Variants in PDE11A observed in about 807,000 individuals in gnomAD.
PDE11A encodes the protein phosphodiesterase 11A.
Under a neutral mutation model 100.5 loss-of-function variants are expected in PDE11A, and 100 were observed. The ratio of observed to expected loss-of-function variants is 1.00; its 90% confidence interval spans 0.85 to 1.18. The LOEUF (loss-of-function observed/expected upper bound fraction) is 1.18, where lower values mean the gene tolerates loss of function less well. PDE11A is among the 50% of genes most tolerant of loss of function. The probability of loss-of-function intolerance (pLI) is 0.00; values close to 1 mark genes in which losing one functional copy is unlikely to be tolerated. For synonymous variants in PDE11A, 381 were observed against 420.8 expected (o/e 0.91, Z 1.16); for missense variants, 1,141 against 1,152.6 (o/e 0.99, Z 0.15).
intron 9 of PDE11A, among the ~76,000 whole-genome samples, chr2:177,803,182 G>A (rs1216594798): frequency 6.6e-6 from 1 of 151,702 alleles, no homozygotes; most frequent in African/African-American, 2.4e-5. Flanking sequence ...GAAAGTAGAA[G>A]CTCAGATAGA....
Position 177,629,254 on chromosome 2 carries a change from A to G in PDE11A, c.*153T>C. 1.3e-6 allele frequency: 1 copy of G among 745,584 alleles called. No individual in the cohort carries two copies. The highest frequency in any genetic ancestry group is 2.6e-5 in the East Asian group (1 of 39,108). 46.2% of individuals were successfully genotyped at this position (745,584 alleles called of 1,614,324 possible). A position where few individuals can be genotyped will look rare whatever the true frequency, so the allele number is the denominator to read the frequency against. ...CTTCCCGTTGCTCTCTCTGCTGCTG[A>G]CCATGCTTCAAGGTGAAAGCCCAGG... On this transcript the variant is annotated 3_prime_UTR_variant, in exon 20 of 20. Coordinates refer to ENST00000286063, the MANE Select transcript of PDE11A (RefSeq NM_016953.4).
intron 9 of PDE11A, among the ~76,000 whole-genome samples, chr2:177,802,809 T>C (rs2082812702): frequency 6.6e-6 from 1 of 151,986 alleles, no homozygotes; most frequent in African/African-American, 2.4e-5. Context: ...TTTGGGGCAT[T>C]TTGATATGCA....
intron 9 of PDE11A, among the ~76,000 whole-genome samples, chr2:177,802,867 A>T (rs545436245): frequency 6.6e-6 from 1 of 152,170 alleles, no homozygotes; most frequent in South Asian, 2.1e-4. Flanking sequence ...AAATGTTATG[A>T]ATACAGGTAT....
chr2:178,103,682 C>CA (rs1371490470), intron 2 of PDE11A, among the ~76,000 whole-genome samples: 3 of 150,824 alleles, frequency 2.0e-5, no homozygotes, highest in Non-Finnish European at 1.5e-5. Context: ...TATATAATCT[C>CA]AAAAAAGCTG....
chr2:178,016,121 T>G (rs1366402871), intron 1 of PDE11A, among the ~76,000 whole-genome samples: 2 of 145,624 alleles, frequency 1.4e-5, no homozygotes, highest in African/African-American at 5.0e-5. Context: ...CAAGCCATCA[T>G]GCCTGGCTAA....
chr2:177,881,380 TATCTATCC>T (rs1424076383), intron 4 of PDE11A, among the ~76,000 whole-genome samples: 2 of 149,284 alleles, frequency 1.3e-5, no homozygotes, highest in Non-Finnish European at 3.0e-5. Context: ...TCTATCTATC[TATCTATCC>T]ATCTATCTAT....
chr2:178,011,751 C>T (rs990966423), intron 2 of PDE11A, among the ~76,000 whole-genome samples: 10 of 152,154 alleles, frequency 6.6e-5, no homozygotes, highest in African/African-American at 1.7e-4. Context: ...GTTCTTTCCC[C>T]GGATTCTCTC....
At chr2:177,836,803 C>T (rs1372857460) in intron 6 of PDE11A, among the ~76,000 whole-genome samples, 4 of 152,120 alleles carry the variant, frequency 2.6e-5, no homozygotes, top group Non-Finnish European at 5.9e-5. Flanking sequence ...GACGCGCCAC[C>T]TGAAGAGCTG....
At chr2:177,981,667 T>C (rs1392006541) in intron 2 of PDE11A, among the ~76,000 whole-genome samples, 1 of 150,864 alleles carries the variant, frequency 6.6e-6, no homozygotes, top group Non-Finnish European at 1.5e-5. Flanking sequence ...GAACTGGGGT[T>C]AGTACTTCAA....
intron 1 of PDE11A, among the ~76,000 whole-genome samples, chr2:178,021,607 A>T (rs1367653312): frequency 6.6e-6 from 1 of 152,208 alleles, no homozygotes; most frequent in Non-Finnish European, 1.5e-5. Flanking sequence ...AGATGAAATT[A>T]AAAAATAGAT....
At chr2:178,068,939 A>G (rs2087087730) in intron 1 of PDE11A, among the ~76,000 whole-genome samples, 1 of 152,224 alleles carries the variant, frequency 6.6e-6, no homozygotes, top group Non-Finnish European at 1.5e-5. Context: ...AGATATTTTC[A>G]TGTTCCTTGA....
chr2:177,817,833 T>C (rs200723810), intron 8 of PDE11A, 25 bp downstream of exon 8: 1 of 1,103,990 alleles, frequency 9.1e-7, no homozygotes, highest in East Asian at 2.4e-5. Flanking sequence ...ATGACTCCAC[T>C]TGGTTTATAA....
chr2:177,701,866 G>T (rs2081202780), intron 13 of PDE11A, among the ~76,000 whole-genome samples: 1 of 152,160 alleles, frequency 6.6e-6, no homozygotes, highest in Non-Finnish European at 1.5e-5. Flanking sequence ...CTCTGGATTT[G>T]GAGGGAAATC....
chr2:177,659,374 T>C (rs935068870), intron 19 of PDE11A, among the ~76,000 whole-genome samples: 2 of 151,742 alleles, frequency 1.3e-5, no homozygotes, highest in African/African-American at 4.8e-5. Flanking sequence ...GACATTTTAA[T>C]AGAGAGGCAC....
At chr2:178,078,915 G>A (rs962261277) in intron 2 of PDE11A, among the ~76,000 whole-genome samples, 1 of 152,088 alleles carries the variant, frequency 6.6e-6, no homozygotes, top group South Asian at 2.1e-4. Context: ...AGTATAGCTA[G>A]GGAGGTAGAA....
intron 19 of PDE11A, among the ~76,000 whole-genome samples, chr2:177,656,321 A>G (rs1256459937): frequency 6.6e-6 from 1 of 152,226 alleles, no homozygotes; most frequent in East Asian, 1.9e-4. Flanking sequence ...CAGTGCAGTA[A>G]AATGCTGTAC....
At chr2:177,991,769 T>G (rs2086008249) in intron 2 of PDE11A, among the ~76,000 whole-genome samples, 1 of 146,498 alleles carries the variant, frequency 6.8e-6, no homozygotes, top group African/African-American at 2.5e-5. Flanking sequence ...TCTTCTAGAT[T>G]TTTATGATGG....
At chr2:177,696,918 A>G (rs1240269386) in intron 15 of PDE11A, among the ~76,000 whole-genome samples, 2 of 152,238 alleles carry the variant, frequency 1.3e-5, no homozygotes, top group African/African-American at 2.4e-5. Flanking sequence ...GAGATAGAAA[A>G]GAATCAAGGA....
chr2:177,741,575 T>A (rs976500898), intron 10 of PDE11A, among the ~76,000 whole-genome samples: 3 of 152,194 alleles, frequency 2.0e-5, no homozygotes, highest in Non-Finnish European at 4.4e-5. Context: ...GGTGGTCCCT[T>A]TAAAGTGTCC....
Sources: allele counts gnomAD v4.1 joint callset (sites outside exome capture counted in the v4.1 genomes callset), GRCh38; gene constraint gnomAD v4.1.1; transcripts MANE v1.5; gene names NCBI Gene and HGNC (gene_info 2026-07-23, HGNC 2026-07-21).